Variants in XRN2 observed in about 807,000 individuals in gnomAD.
XRN2 encodes 5'-3' exoribonuclease 2.
Under a neutral mutation model 138.5 loss-of-function variants are expected in XRN2, and 44 were observed. The observed-to-expected ratio is 0.32, with a 90% CI of 0.25 to 0.41. The LOEUF is 0.41. XRN2 is among the 10% of genes least tolerant of loss of function. The pLI is 1.00. For synonymous variants in XRN2, 354 were observed against 369.4 expected, an observed-to-expected ratio of 0.96 and a Z score of 0.48; for missense variants, 937 against 1,169.3, an observed-to-expected ratio of 0.80 and a Z score of 2.90.
At position 21,303,441 on chromosome 20, in the gene XRN2, C is replaced by T. The variant is rs970323556; in HGVS notation, c.43C>T (p.Pro15Ser). ...AFFRWLSRKY[P>S]SIIVNCVEEK... ...CTTCCGCTGGCTCAGCCGCAAGTAC[C>T]CGTCCATCATAGTCAACTGCGTGGA... The change falls in exon 1 of 30, where the codon CCG becomes TCG. Residue 15 changes from proline to serine, a missense_variant. Physicochemically the swap from Pro to Ser is moderately conservative, Grantham distance 74. Transcript: ENST00000377191. 6.5e-7 allele frequency: 1 copy of T among 1,548,456 alleles called. No individual in the cohort carries two copies. The highest frequency in any genetic ancestry group is 1.4e-5 in the African/African-American group (1 of 72,570).
rs1314333392 is a variant in XRN2, at chr20:21,351,850, C to T, written c.1936+2389C>T. 3.3e-5 allele frequency among the ~76,000 whole-genome samples: 5 copies of T among 152,236 alleles called. No individual in the cohort carries two copies. In the South Asian group the frequency reaches 6.2e-4, roughly 19 times the overall value. On this transcript the variant is annotated intron_variant, in intron 20 of 29. Transcript: ENST00000377191. Reference sequence around the variant, plus strand: ...CACTTGTTGAAAAGACCATTCTTCCCCCCATTGAATAAGTTGGCACTCTTT... The same window carrying T: ...CACTTGTTGAAAAGACCATTCTTCCTCCCATTGAATAAGTTGGCACTCTTT...
chr20:21,343,481 A>G (rs1268433238), intron 15 of XRN2, among the ~76,000 whole-genome samples: 1 of 151,906 alleles, frequency 6.6e-6, no homozygotes, highest in Non-Finnish European at 1.5e-5. Flanking sequence ...AACTGAACAT[A>G]TAAAGTAATT....
rs534168745 is a variant in XRN2, at chr20:21,327,599, G to T, written c.316-960G>T. Among the ~76,000 whole-genome samples, 17 of 152,274 alleles carry T rather than the reference G, an allele frequency of 1.1e-4. 1 individual carries two copies. Among genetic ancestry groups the T allele is most frequent in the African/African-American group, 3.9e-4 (16 of 41,554 alleles). The stretch of plus-strand genomic sequence containing the variant: ...TAGAGCACATTTCAGTTTATATTCA[G>T]CTAATTTTTTTTGAAGAAATCTTTA... On this transcript the variant is annotated intron_variant, in intron 3 of 29. Transcript: ENST00000377191.
chr20:21,379,031 GC>G (rs1343786525), intron 27 of XRN2, among the ~76,000 whole-genome samples: 1 of 152,156 alleles, frequency 6.6e-6, no homozygotes, highest in African/African-American at 2.4e-5. Context: ...TTGTCAATTA[GC>G]CACGTTGAAA....
At chr20:21,348,567 T>C in intron 19 of XRN2, 137 bp downstream of exon 19, 1 of 768,684 alleles carries the variant, frequency 1.3e-6, no homozygotes, top group Non-Finnish European at 2.1e-6. Context: ...CAAACACACA[T>C]ATATTTCCTG....
intron 19 of XRN2, among the ~76,000 whole-genome samples, chr20:21,349,079 A>G (rs1232691960): frequency 2.0e-5 from 3 of 152,238 alleles, no homozygotes; most frequent in Non-Finnish European, 4.4e-5. Flanking sequence ...CTAGCTAGAA[A>G]GAGTGAGACC....
intron 27 of XRN2, among the ~76,000 whole-genome samples, chr20:21,377,833 G>C (rs552398786): frequency 3.3e-5 from 5 of 152,250 alleles, no homozygotes; most frequent in Admixed American, 3.3e-4. Context: ...GCTTCCTCTG[G>C]CTATGAGGGC....
chr20:21,318,566 TTTC>T (rs2037993483), intron 1 of XRN2, among the ~76,000 whole-genome samples: 1 of 152,102 alleles, frequency 6.6e-6, no homozygotes. Context: ...TGAAGAGATA[TTTC>T]TTAATCTAAG....
Position 21,334,124 on chromosome 20 carries a change from T to C in XRN2, c.1172T>C (p.Met391Thr), listed in dbSNP as rs1290333681. 6.2e-7 allele frequency: 1 copy of C among 1,614,044 alleles called. No homozygotes were observed. The highest frequency in any genetic ancestry group is 2.2e-5 in the East Asian group (1 of 44,850). ...SGYVNLQRVQ[M>T]IMLAVGEVED... is the part of the protein sequence containing the mutation. ...TATGTCAATCTGCAAAGAGTACAGA[T>C]GATCATGTTAGCAGTTGGTGAAGTT... The change falls in exon 13 of 30, where the codon ATG (methionine) becomes ACG (threonine). Residue 391 changes from methionine to threonine, a missense_variant. Around this residue, in one of 6 missense-constraint regions of XRN2, gnomAD observed 471 missense variants for 581.2 expected, o/e 0.81. Coordinates refer to ENST00000377191, the MANE Select transcript of XRN2 (RefSeq NM_012255.5).
intron 3 of XRN2, among the ~76,000 whole-genome samples, chr20:21,327,350 A>G (rs2038142731): frequency 6.6e-6 from 1 of 152,206 alleles, no homozygotes; most frequent in African/African-American, 2.4e-5. Context: ...AAGGTAAGAT[A>G]TAACTCTAAA....
rs113458279 is a variant in XRN2, at chr20:21,356,062, T to C, written c.2021-18T>C. 13 of 1,599,498 alleles carry C rather than the reference T, an allele frequency of 8.1e-6. No homozygotes were observed. The highest frequency in any genetic ancestry group is 5.4e-5 in the African/African-American group (4 of 74,208). ...CAATTTTTTTATGTGTAGGTCTTAT[T>C]CTTTTCTTTCTCCCTAGCCAGAAGA... On this transcript the variant is annotated intron_variant, in intron 21 of 29. Transcript: ENST00000377191.
chr20:21,366,016 A>AT (rs2038694073), intron 26 of XRN2, among the ~76,000 whole-genome samples: 1 of 114,770 alleles, frequency 8.7e-6, no homozygotes, highest in Non-Finnish European at 1.7e-5. Context: ...GTTTATATAT[A>AT]TAATATATAT....
intron 1 of XRN2, among the ~76,000 whole-genome samples, chr20:21,309,670 CAT>C (rs542612955): frequency 6.6e-6 from 1 of 151,946 alleles, no homozygotes; most frequent in South Asian, 2.1e-4. Flanking sequence ...AATTGGCTGA[CAT>C]AAAGTTGTTC....
intron 19 of XRN2, 140 bp downstream of exon 19, chr20:21,348,570 A>G: frequency 1.3e-6 from 1 of 759,524 alleles, no homozygotes; most frequent in Admixed American, 2.8e-5. Flanking sequence ...ACACACATAT[A>G]TTTCCTGCTT....
chr20:21,376,449 T>C (rs1000351418), intron 27 of XRN2, among the ~76,000 whole-genome samples: 1 of 152,212 alleles, frequency 6.6e-6, no homozygotes, highest in African/African-American at 2.4e-5. Context: ...TGGTCATATT[T>C]TTACTGACCA....
rs115611076 is a variant in XRN2, at chr20:21,347,071, T to G, written c.1665+521T>G. Among the ~76,000 whole-genome samples the G allele has an allele frequency of 5.9e-3, 905 of 152,348 alleles. 9 individuals are homozygous for G. Among genetic ancestry groups the G allele is most frequent in the African/African-American group, 0.021 (872 of 41,576 alleles). On this transcript the variant is annotated intron_variant, in intron 17 of 29. Coordinates refer to ENST00000377191, the MANE Select transcript of XRN2 (RefSeq NM_012255.5). ...GATATTAATATAGAAACAAAGCTAATTTTTGTTAAAAGTATTTTCAGGATC... is the reference window on the plus strand; with the variant it reads ...GATATTAATATAGAAACAAAGCTAAGTTTTGTTAAAAGTATTTTCAGGATC...
At chr20:21,370,187 G>C (rs2038745775) in intron 27 of XRN2, among the ~76,000 whole-genome samples, 1 of 151,986 alleles carries the variant, frequency 6.6e-6, no homozygotes, top group Admixed American at 6.6e-5. Flanking sequence ...TTTATTTCTG[G>C]GTTCTCTGTT....
At chr20:21,309,875 A>G (rs1241093354) in intron 1 of XRN2, among the ~76,000 whole-genome samples, 1 of 152,000 alleles carries the variant, frequency 6.6e-6, no homozygotes, top group Non-Finnish European at 1.5e-5. Flanking sequence ...TCCCATTATC[A>G]GTCTGGCTAC....
rs1169269140 is a variant in XRN2, at chr20:21,303,355, A to G, written c.-44A>G. The G allele has an allele frequency of 6.5e-7, 1 of 1,538,892 alleles. No homozygotes were observed. Among genetic ancestry groups the G allele is most frequent in the African/African-American group, 1.4e-5 (1 of 71,168 alleles). On this transcript the variant is annotated 5_prime_UTR_variant, in exon 1 of 30. Transcript: ENST00000377191. The stretch of plus-strand genomic sequence containing the variant: ...TGCCGCTGCTCCCGTCTCTTTGGTT[A>G]CGCTCGTCAGCCGGTCGGCCGCCGC...
Sources: allele counts gnomAD v4.1 joint callset (sites outside exome capture counted in the v4.1 genomes callset), GRCh38; gene constraint gnomAD v4.1.1; regional missense constraint gnomAD v4.1.1; transcripts MANE v1.5; gene names NCBI Gene and HGNC (gene_info 2026-07-23, HGNC 2026-07-21).